The following SORBS2 variants were observed in gnomAD, a reference collection of about 807,000 sequenced individuals.
SORBS2 encodes the protein sorbin and SH3 domain containing 2, also known as sorbin and SH3 domain-containing protein 2.
SORBS2 carries 46 observed loss-of-function variants against 97.7 expected under a neutral mutation model. The ratio of observed to expected loss-of-function variants is 0.47; its 90% CI spans 0.37 to 0.60. The LOEUF (loss-of-function observed/expected upper bound fraction) is 0.60, where lower values mean the gene tolerates loss of function less well. Ranked by LOEUF, SORBS2 falls within the 20% of genes least tolerant of loss-of-function variation. The pLI, the probability that SORBS2 is intolerant of heterozygous loss-of-function variation, is 0.00. For missense variants in SORBS2, 1,316 were observed against 1,282.3 expected, an observed-to-expected ratio of 1.03 and a Z score of -0.40; for synonymous variants, 476 against 473.4, an observed-to-expected ratio of 1.01 and a Z score of -0.07.
rs116137427 is a variant in SORBS2, at chr4:185,836,649, A to C, written c.-337-61283T>G. 8.0e-3 allele frequency among the ~76,000 whole-genome samples: 1,213 copies of C among 152,266 alleles called. 24 individuals carry two copies. The highest frequency in any genetic ancestry group is 0.028 in the African/African-American group (1,163 of 41,548). On this transcript the variant is annotated intron_variant, in intron 1 of 20. Transcript: ENST00000284776. ...TTCATAATTTGCCAAGGTCACACAA[A>C]TAGAAAGTGGCGGGGTCTCTATTCA...
At position 185,778,343 on chromosome 4, in the gene SORBS2, G is replaced by T. The variant is rs960671499; in HGVS notation, c.-337-2977C>A. Reference sequence around the variant, plus strand: ...ATTCTGCATCCCTAACAAATTCCCGGGTGATTCTTGACCTCACTTTGAAAA... The same window carrying T: ...ATTCTGCATCCCTAACAAATTCCCGTGTGATTCTTGACCTCACTTTGAAAA... On this transcript the variant is annotated intron_variant, in intron 1 of 20. Coordinates refer to the SORBS2 transcript ENST00000284776. Among the ~76,000 whole-genome samples, 8 of 152,124 alleles carry T rather than the reference G, an allele frequency of 5.3e-5. No individual in the cohort carries two copies. In the South Asian group the frequency reaches 1.7e-3, roughly 32 times the overall value.
At chr4:185,677,759 ACCTTC>A (rs1273624353) in intron 4 of SORBS2, 7 of 584,012 alleles carry the variant, frequency 1.2e-5, no homozygotes, top group Non-Finnish European at 1.9e-5. Flanking sequence ...GCAATGCCAC[ACCTTC>A]TGATTATGCT....
intron 1 of SORBS2, among the ~76,000 whole-genome samples, chr4:185,882,965 C>T (rs2099237595): frequency 1.3e-5 from 2 of 151,832 alleles, no homozygotes; most frequent in South Asian, 2.1e-4. Flanking sequence ...GAAGAAAATA[C>T]AGAAAAAAAT....
chr4:185,850,880 TTGAGGGCC>T (rs946776588), intron 1 of SORBS2, among the ~76,000 whole-genome samples: 4 of 152,296 alleles, frequency 2.6e-5, no homozygotes, highest in Admixed American at 2.6e-4. Flanking sequence ...ATCTCATCTG[TTGAGGGCC>T]TGAATAGAAT....
At chr4:185,819,606 C>T (rs2099195467) in intron 1 of SORBS2, among the ~76,000 whole-genome samples, 1 of 152,166 alleles carries the variant, frequency 6.6e-6, no homozygotes, top group South Asian at 2.1e-4. Flanking sequence ...CTCATGTCAG[C>T]CTGGGTACAA....
At chr4:185,678,500 C>T in exon 4 of SORBS2, 2 of 1,550,460 alleles carry the variant, frequency 1.3e-6, no homozygotes, top group Non-Finnish European at 1.7e-6. Flanking sequence ...GAATATGTAG[C>T]ATCTCCGTTC....
chr4:185,606,857 C>A lies in SORBS2; in HGVS notation c.2796+4923G>T, dbSNP rs542217724. On this transcript the variant is annotated intron_variant, in intron 12 of 14. Transcript: ENST00000418609. This position sits in a 1 kb window ranked among gnomAD's most constrained non-coding sequence, Gnocchi z 4.3. ...GGAAGGGGTACAGGCAAGGAACCCA[C>A]GCTGGTGCACGCAGAGGCCACAAAA... The A allele has an allele frequency of 4.1e-6, 4 of 985,262 alleles. No homozygotes were observed. In the South Asian group the frequency reaches 1.4e-4, roughly 35 times the overall value. The allele number at this position is 985,262 out of a possible 1,614,324, so 61.0% of individuals were successfully genotyped here.
Position 185,887,561 on chromosome 4 carries a change from T to C in SORBS2, c.-338+68635A>G, listed in dbSNP as rs558404466. ...TTTATAGACTGCAGATTTTGTGGTA[T>C]GTTAAAAATATTTTTTTGCAAGTGA... On this transcript the variant is annotated intron_variant, in intron 1 of 20. Coordinates refer to the SORBS2 transcript ENST00000284776. Among the ~76,000 whole-genome samples, 9 of 152,334 alleles carry C rather than the reference T, an allele frequency of 5.9e-5. No individual in the cohort carries two copies. The South Asian group carries it at 1.9e-3, about 32-fold the overall frequency.
intron 9 of SORBS2, among the ~76,000 whole-genome samples, chr4:185,617,226 A>G (rs1178962598): frequency 6.6e-6 from 1 of 152,248 alleles, no homozygotes; most frequent in Non-Finnish European, 1.5e-5. Context: ...ACTGATATGC[A>G]TTGTACAAAT....
At chr4:185,614,210 G>A (rs1160565525) in intron 11 of SORBS2, among the ~76,000 whole-genome samples, 1 of 126,756 alleles carries the variant, frequency 7.9e-6, no homozygotes, top group Non-Finnish European at 1.5e-5. Context: ...ACCTGCCTTG[G>A]CCTCCCAAAG....
At position 185,871,547 on chromosome 4, in the gene SORBS2, G is replaced by A. The variant is rs371145579; in HGVS notation, c.-338+84649C>T. On this transcript the variant is annotated intron_variant, in intron 1 of 20. Transcript: ENST00000284776. ...CACTCACAAGAAAAATACAAGAGCG[G>A]AAATGCTAAAATTCTCAAGACATGC... Among the ~76,000 whole-genome samples, 7 of 152,198 alleles carry A rather than the reference G, an allele frequency of 4.6e-5. No homozygotes were observed. The East Asian group carries it at 9.6e-4, about 21-fold the overall frequency.
chr4:185,754,636 T>C (rs927245856), intron 2 of SORBS2, among the ~76,000 whole-genome samples: 2 of 152,206 alleles, frequency 1.3e-5, no homozygotes, highest in African/African-American at 4.8e-5. Context: ...AACCCACATC[T>C]TCCAAATCCT....
intron 1 of SORBS2, among the ~76,000 whole-genome samples, chr4:185,783,301 G>A (rs575363273): frequency 5.9e-5 from 9 of 152,278 alleles, no homozygotes; most frequent in South Asian, 2.1e-4. Context: ...TATTTTCTGC[G>A]TTGTCTGTCT....
chr4:185,878,748 C>G (rs533331168), intron 1 of SORBS2, among the ~76,000 whole-genome samples: 2 of 152,298 alleles, frequency 1.3e-5, no homozygotes, highest in Admixed American at 1.3e-4. Flanking sequence ...TCTATCACTC[C>G]CCAGTGGAGA....
intron 1 of SORBS2, among the ~76,000 whole-genome samples, chr4:185,791,035 T>C (rs577175207): frequency 3.5e-4 from 53 of 152,354 alleles, no homozygotes; most frequent in African/African-American, 1.2e-3. Context: ...TTTAAGAGCA[T>C]GGCAATGTAG....
intron 1 of SORBS2, among the ~76,000 whole-genome samples, chr4:185,824,760 A>G (rs984999074): frequency 1.3e-5 from 2 of 152,156 alleles, no homozygotes. Context: ...ATAAAATTGA[A>G]TCAACAACAA....
At chr4:185,691,415 G>C (rs962508665) in intron 2 of SORBS2, among the ~76,000 whole-genome samples, 2 of 152,092 alleles carry the variant, frequency 1.3e-5, no homozygotes, top group African/African-American at 2.4e-5. Flanking sequence ...TTATACAAAT[G>C]GTTTTTGTTC....
chr4:185,722,849 C>T lies in SORBS2; in HGVS notation c.-197-44027G>A, dbSNP rs368320088. ...AGTGCCCAGGAAAATAAACAGTTTT[C>T]TAAGATTCAGTATAATTTTATTTTG... On this transcript the variant is annotated intron_variant, in intron 2 of 20. Transcript: ENST00000284776. Among the ~76,000 whole-genome samples the T allele has an allele frequency of 7.2e-5, 11 of 152,278 alleles. No individual in the cohort carries two copies. The South Asian group carries it at 2.3e-3, about 32-fold the overall frequency.
At chr4:185,785,389 T>A (rs1432020947) in intron 1 of SORBS2, among the ~76,000 whole-genome samples, 1 of 152,198 alleles carries the variant, frequency 6.6e-6, no homozygotes, top group African/African-American at 2.4e-5. Flanking sequence ...TAAGCGTTCC[T>A]GTGTCATGGT....
Sources: gnomAD v4.1 joint callset for allele counts (sites outside exome capture counted in the v4.1 genomes callset) on GRCh38, gnomAD v4.1.1 for gene constraint, Gnocchi (gnomAD v3.1) non-coding constraint, MANE v1.5 for transcripts, NCBI Gene and HGNC (gene_info 2026-07-23, HGNC 2026-07-21) for gene names.